LRFN5: variants seen among roughly 807,000 people sequenced by gnomAD.
LRFN5 encodes leucine-rich repeat and fibronectin type-III domain-containing protein 5.
A neutral mutation model predicts 45.6 loss-of-function variants in LRFN5; 24 were observed. The observed-to-expected ratio is 0.53, with a 90% CI of 0.38 to 0.74. The LOEUF is 0.74. Ranked by LOEUF, LRFN5 falls within the 30% of genes least tolerant of loss-of-function variation. LRFN5 has a pLI of 0.00. For missense variants in LRFN5, 776 were observed against 861.5 expected (o/e 0.90, Z 1.24); for synonymous variants, 340 against 313.8 (o/e 1.08, Z -0.88).
At chr14:41,815,318 C>G (rs963595939) in intron 2 of LRFN5, among the ~76,000 whole-genome samples, 4 of 151,942 alleles carry the variant, frequency 2.6e-5, no homozygotes, top group African/African-American at 9.7e-5. Context: ...AATTAATATC[C>G]TTGGTCTGAA....
intron 2 of LRFN5, among the ~76,000 whole-genome samples, chr14:41,771,890 C>A (rs1362173874): frequency 1.3e-5 from 2 of 152,190 alleles, no homozygotes; most frequent in Non-Finnish European, 2.9e-5. Flanking sequence ...TGCCCCACTG[C>A]TTAATACCAA....
intron 4 of LRFN5, chr14:41,894,219 G>T (rs1036441556): frequency 8.1e-6 from 8 of 984,832 alleles, no homozygotes; most frequent in Non-Finnish European, 9.6e-6. Context: ...CATTAGCAAG[G>T]TTAACATATG....
At chr14:41,846,201 A>G (rs920457346) in intron 2 of LRFN5, among the ~76,000 whole-genome samples, 1 of 123,164 alleles carries the variant, frequency 8.1e-6, no homozygotes, top group African/African-American at 3.3e-5. Context: ...AGAGATGTGT[A>G]TATGTTTACA....
chr14:41,840,861 TTTTGGATTCAACTATGGA>T (rs1888834680), intron 2 of LRFN5, among the ~76,000 whole-genome samples: 1 of 152,006 alleles, frequency 6.6e-6, no homozygotes, highest in African/African-American at 2.4e-5. Context: ...ATAGAATTAT[TTTTGGATTCAACTATGGA>T]TTTGGATTCA....
intron 1 of LRFN5, among the ~76,000 whole-genome samples, chr14:41,660,296 G>A (rs1184890206): frequency 6.6e-6 from 1 of 152,054 alleles, no homozygotes; most frequent in Non-Finnish European, 1.5e-5. Context: ...AAAGTTCTGG[G>A]ATTACAGGTG....
chr14:41,859,306 C>T (rs1221555731), intron 2 of LRFN5, among the ~76,000 whole-genome samples: 1 of 152,194 alleles, frequency 6.6e-6, no homozygotes, highest in Non-Finnish European at 1.5e-5. Context: ...TAAATGATTT[C>T]ATTAGTCCCA....
At chr14:41,775,139 G>T (rs1325446942) in intron 2 of LRFN5, among the ~76,000 whole-genome samples, 1 of 119,640 alleles carries the variant, frequency 8.4e-6, no homozygotes, top group Admixed American at 1.2e-4. Context: ...CTCCCAGGCT[G>T]GAGTGCAGTG....
intron 1 of LRFN5, among the ~76,000 whole-genome samples, chr14:41,653,177 A>G (rs544673433): frequency 1.1e-4 from 16 of 152,134 alleles, no homozygotes; most frequent in African/African-American, 3.6e-4. Context: ...GTTAGATCCC[A>G]TTTGTCAATT....
At position 41,846,730 on chromosome 14, in the gene LRFN5, C is replaced by T. The variant is rs74426471; in HGVS notation, c.-20-39876C>T. 4.9e-3 allele frequency among the ~76,000 whole-genome samples: 747 copies of T among 152,220 alleles called. 9 individuals are homozygous for T. Among genetic ancestry groups the T allele is most frequent in the African/African-American group, 0.017 (721 of 41,538 alleles). ...CCCCAGGTGTGAGCAATGCTGTGTT[C>T]CTTTCTGTAGGATGTAGAGCAGAAT... On this transcript the variant is annotated intron_variant, in intron 2 of 5. Coordinates refer to ENST00000298119, the MANE Select transcript of LRFN5 (RefSeq NM_152447.5).
At chr14:41,761,857 G>T (rs1885684542) in intron 1 of LRFN5, among the ~76,000 whole-genome samples, 1 of 151,800 alleles carries the variant, frequency 6.6e-6, no homozygotes, top group African/African-American at 2.4e-5. Flanking sequence ...TGATAGCTCT[G>T]GGGTCTTCAT....
intron 2 of LRFN5, among the ~76,000 whole-genome samples, chr14:41,812,716 A>C (rs1358831372): frequency 6.6e-6 from 1 of 152,102 alleles, no homozygotes; most frequent in African/African-American, 2.4e-5. Flanking sequence ...AATACAATAA[A>C]ATTTGTTAAA....
chr14:41,772,430 C>T (rs1020142480), intron 2 of LRFN5, among the ~76,000 whole-genome samples: 1 of 152,074 alleles, frequency 6.6e-6, no homozygotes, highest in African/African-American at 2.4e-5. Context: ...AAAATAAAGT[C>T]ATCAATAGGA....
intron 2 of LRFN5, among the ~76,000 whole-genome samples, chr14:41,781,766 C>T (rs555445289): frequency 2.3e-4 from 35 of 151,746 alleles, no homozygotes; most frequent in Non-Finnish European, 3.8e-4. Flanking sequence ...TTTGAGAAAG[C>T]CTTTATTTCT....
chr14:41,689,873 C>G (rs1434023213), intron 1 of LRFN5, among the ~76,000 whole-genome samples: 1 of 131,254 alleles, frequency 7.6e-6, no homozygotes, highest in Non-Finnish European at 1.6e-5. Context: ...TCCACCTGGG[C>G]CACAGAGCGA....
At chr14:41,614,079 G>C (rs2138543146) in intron 1 of LRFN5, among the ~76,000 whole-genome samples, 1 of 152,048 alleles carries the variant, frequency 6.6e-6, no homozygotes, top group South Asian at 2.1e-4. Context: ...GGAAATATAG[G>C]ATGTGGTACT....
chr14:41,692,970 C>A (rs927327188), intron 1 of LRFN5, among the ~76,000 whole-genome samples: 2 of 151,902 alleles, frequency 1.3e-5, no homozygotes, highest in African/African-American at 4.8e-5. Flanking sequence ...CCATTGGAAC[C>A]ATCAATATAT....
intron 1 of LRFN5, among the ~76,000 whole-genome samples, chr14:41,675,967 C>T (rs1881611161): frequency 1.3e-5 from 2 of 152,100 alleles, no homozygotes; most frequent in Non-Finnish European, 2.9e-5. Flanking sequence ...TGACTTGCTT[C>T]GTTATTACCA....
intron 2 of LRFN5, among the ~76,000 whole-genome samples, chr14:41,792,407 G>C (rs1886956224): frequency 6.6e-6 from 1 of 151,882 alleles, no homozygotes; most frequent in South Asian, 2.1e-4. Context: ...TACCAGGGTG[G>C]AGTTTTTCCC....
intron 1 of LRFN5, among the ~76,000 whole-genome samples, chr14:41,741,737 C>G (rs367761928): frequency 4.7e-5 from 7 of 150,314 alleles, no homozygotes; most frequent in African/African-American, 1.7e-4. Context: ...GCAAAGACAA[C>G]AATTTACATA....
Sources: gnomAD v4.1 joint callset for allele counts (sites outside exome capture counted in the v4.1 genomes callset) on GRCh38, gnomAD v4.1.1 for gene constraint, MANE v1.5 for transcripts, NCBI Gene and HGNC (gene_info 2026-07-23, HGNC 2026-07-21) for gene names.